SCAND3: variants seen among roughly 807,000 people sequenced by gnomAD.
The protein encoded by SCAND3 is SCAN domain-containing protein 3.
the SCAND3 span, among the ~76,000 whole-genome samples, chr6:28,608,827 T>C: frequency 1.3e-5 from 2 of 151,650 alleles, no homozygotes; most frequent in Non-Finnish European, 2.9e-5. Context: ...AGAGAGATGA[T>C]GTCTCTTTTA....
At chr6:28,607,152 G>T in the SCAND3 span, among the ~76,000 whole-genome samples, 1 of 152,206 alleles carries the variant, frequency 6.6e-6, no homozygotes, top group Non-Finnish European at 1.5e-5. Flanking sequence ...ACCTGTCTGT[G>T]GTTGGGGGTG....
At chr6:28,576,097 C>T in the SCAND3 span, 1 of 1,599,438 alleles carries the variant, frequency 6.3e-7, no homozygotes, top group Non-Finnish European at 8.5e-7. Flanking sequence ...GTTATCACCA[C>T]CCATGCTTTG....
Sources: allele counts gnomAD v4.1 joint callset (sites outside exome capture counted in the v4.1 genomes callset), GRCh38; gene constraint gnomAD v4.1.1; transcripts MANE v1.5; gene names NCBI Gene and HGNC (gene_info 2026-07-23, HGNC 2026-07-21).